Variants in PSAP observed in about 807,000 individuals in gnomAD.
PSAP encodes precursor of saposins.
Under a neutral mutation model 66.0 loss-of-function variants are expected in PSAP, and 25 were observed. That is an observed-to-expected ratio of 0.38 (90% CI 0.28 to 0.53). The LOEUF is 0.53. PSAP is among the 20% of genes least tolerant of loss of function. The pLI is 0.83. For missense variants in PSAP, 649 were observed against 668.8 expected (o/e 0.97, Z 0.33); for synonymous variants, 273 against 258.9 (o/e 1.05, Z -0.52).
chr10:71,845,773 A>G (rs1842811142), intron 1 of PSAP, among the ~76,000 whole-genome samples: 1 of 152,186 alleles, frequency 6.6e-6, no homozygotes, highest in African/African-American at 2.4e-5. Flanking sequence ...TCGGGTTACC[A>G]GGAACCAGCT....
At chr10:71,828,736 A>T in intron 5 of PSAP, 141 bp downstream of exon 5, 1 of 825,700 alleles carries the variant, frequency 1.2e-6, no homozygotes, top group Non-Finnish European at 1.9e-6. Flanking sequence ...ACAACCATTT[A>T]AAGGCTGGCT....
chr10:71,851,194 G>C lies in PSAP; in HGVS notation c.28C>G (p.Leu10Val), dbSNP rs779742363. The change falls in exon 1 of 14, where the codon CTC becomes GTC. Residue 10 changes from leucine (L) to valine (V), a missense_variant. By Grantham distance (32) the Leu-to-Val change is conservative. Transcript: ENST00000394936. MYALFLLASLLGAALAGPVL... is the reference protein window; with the variant it reads MYALFLLASVLGAALAGPVL... ...TCCCAGGGCTTACCCGCGCCCAGGA[G>C]GCTGGCCAGGAGGAAGAGGGCGTAC... 4 of 1,551,138 alleles carry C rather than the reference G, an allele frequency of 2.6e-6. No individual in the cohort carries two copies. Among genetic ancestry groups the C allele is most frequent in the Non-Finnish European group, 3.5e-6 (4 of 1,146,842 alleles).
chr10:71,825,823 T>G lies in PSAP; in HGVS notation c.777+14A>C. On this transcript the variant is annotated intron_variant, in intron 7 of 13. Coordinates refer to ENST00000394936, the MANE Select transcript of PSAP (RefSeq NM_002778.4). ...CAAAGAAAAATGCTAACAAGGGGCC[T>G]CCGTGCCACCTACCATGTGCATCAT... 1 of 1,609,230 alleles carries G rather than the reference T, an allele frequency of 6.2e-7. No individual in the cohort carries two copies. The highest frequency in any genetic ancestry group is 8.5e-7 in the Non-Finnish European group (1 of 1,175,532).
chr10:71,830,684 G>C (rs1238334285), intron 4 of PSAP, among the ~76,000 whole-genome samples: 1 of 152,186 alleles, frequency 6.6e-6, no homozygotes, highest in African/African-American at 2.4e-5. Flanking sequence ...TAAAAACCCA[G>C]TCTGTGACAC....
At position 71,833,031 on chromosome 10, in the gene PSAP, ACAAAAAAC is replaced by A. The variant is rs1194720813; in HGVS notation, c.175-1119_175-1112del. 2.5e-4 allele frequency among the ~76,000 whole-genome samples: 34 copies of A among 135,222 alleles called. 3 individuals carry two copies. The highest frequency in any genetic ancestry group is 2.3e-3 in the South Asian group (10 of 4,404). The allele number at this position is 135,222 out of a possible 152,430, so 88.7% of individuals were successfully genotyped here. ...GAGTCCATCTCAAAAAAAAAAAAAAACAAAAAACAAAAACAGAAGGCCGGGCCATGACA... is the reference window on the plus strand; with the variant it reads ...GAGTCCATCTCAAAAAAAAAAAAAAAAAAAACAGAAGGCCGGGCCATGACA... On this transcript the variant is annotated intron_variant, in intron 2 of 13. Transcript: ENST00000394936.
chr10:71,834,562 T>A (rs1450718104), intron 1 of PSAP, 57 bp from the exon 2 acceptor site: 1 of 1,597,908 alleles, frequency 6.3e-7, no homozygotes, highest in African/African-American at 1.3e-5. Context: ...CAGGTCGACC[T>A]GACTTATTTC....
intron 4 of PSAP, among the ~76,000 whole-genome samples, chr10:71,829,541 A>G (rs117051291): frequency 0.025 from 3,749 of 151,988 alleles, 62 homozygotes; most frequent in South Asian, 0.062. Flanking sequence ...TTCACCTTCC[A>G]CCATGATTTT....
chr10:71,848,482 T>C (rs571112043), intron 1 of PSAP, among the ~76,000 whole-genome samples: 1 of 152,276 alleles, frequency 6.6e-6, no homozygotes, highest in African/African-American at 2.4e-5. Flanking sequence ...GGGGTCAGAT[T>C]ACATGCTCTC....
intron 13 of PSAP, among the ~76,000 whole-genome samples, chr10:71,818,343 G>C (rs1180364177): frequency 2.4e-4 from 37 of 152,044 alleles, no homozygotes; most frequent in Admixed American, 2.4e-3. Flanking sequence ...ACTGTCACAA[G>C]GGAAATGAAG....
intron 11 of PSAP, 26 bp downstream of exon 11, chr10:71,819,439 C>G: frequency 1.2e-6 from 2 of 1,613,494 alleles, no homozygotes; most frequent in South Asian, 2.2e-5. Context: ...CCATGCTGGC[C>G]TACCGCAGCC....
chr10:71,824,790 C>T (rs968232254), intron 7 of PSAP, among the ~76,000 whole-genome samples: 3 of 152,238 alleles, frequency 2.0e-5, no homozygotes, highest in African/African-American at 7.2e-5. Context: ...CACATTTCTA[C>T]ACAGTATAAC....
chr10:71,833,483 A>G (rs553441754), intron 2 of PSAP, among the ~76,000 whole-genome samples: 1 of 152,352 alleles, frequency 6.6e-6, no homozygotes, highest in African/African-American at 2.4e-5. Context: ...GTATGGCCAC[A>G]GAAGGCAGTT....
intron 1 of PSAP, among the ~76,000 whole-genome samples, chr10:71,848,845 G>A (rs1214521217): frequency 6.6e-6 from 1 of 152,204 alleles, no homozygotes; most frequent in Non-Finnish European, 1.5e-5. Flanking sequence ...TATCAGCACT[G>A]ACTTTGGCCT....
intron 6 of PSAP, among the ~76,000 whole-genome samples, chr10:71,826,559 A>C (rs1325082231): frequency 1.3e-5 from 2 of 152,160 alleles, no homozygotes; most frequent in African/African-American, 4.8e-5. Flanking sequence ...TGTTCACCTG[A>C]TTAACATTCC....
rs529903938 is a variant in PSAP, at chr10:71,842,000, C to T, written c.41-7495G>A. On this transcript the variant is annotated intron_variant, in intron 1 of 13. Transcript: ENST00000394936. ...CAACCTGGGTGACAGAGTGAGACTC[C>T]GTCTTAAAAAAAAAAAAAAAGCAGA... 3.5e-5 allele frequency among the ~76,000 whole-genome samples: 5 copies of T among 143,950 alleles called. No homozygotes were observed. The East Asian group carries it at 7.0e-4, about 20-fold the overall frequency. 94.4% of individuals were successfully genotyped at this position (143,950 alleles called of 152,430 possible). A position where few individuals can be genotyped will look rare whatever the true frequency, so the allele number is the denominator to read the frequency against.
At chr10:71,842,171 A>C (rs1056574370) in intron 1 of PSAP, among the ~76,000 whole-genome samples, 2 of 152,164 alleles carry the variant, frequency 1.3e-5, no homozygotes, top group African/African-American at 4.8e-5. Flanking sequence ...TAAAACCAAG[A>C]CATCAGTTGC....
At chr10:71,828,681 A>G (rs773752240) in intron 5 of PSAP, among the ~76,000 whole-genome samples, 196 bp downstream of exon 5, 1 of 152,164 alleles carries the variant, frequency 6.6e-6, no homozygotes, top group Non-Finnish European at 1.5e-5. Flanking sequence ...AAGGGGATTA[A>G]TCTTTGCATA....
intron 1 of PSAP, among the ~76,000 whole-genome samples, chr10:71,843,672 TAA>T (rs999732494): frequency 3.9e-5 from 6 of 152,156 alleles, no homozygotes; most frequent in African/African-American, 1.4e-4. Context: ...CAATAGGGAT[TAA>T]AAAGACACAT....
intron 4 of PSAP, 124 bp from the exon 5 acceptor site, chr10:71,829,201 C>T: frequency 1.0e-6 from 1 of 974,416 alleles, no homozygotes; most frequent in Non-Finnish European, 1.6e-6. Context: ...AACCTGTTGT[C>T]TAAATTCAAA....
Sources: gnomAD v4.1 joint callset for allele counts (sites outside exome capture counted in the v4.1 genomes callset) on GRCh38, gnomAD v4.1.1 for gene constraint, MANE v1.5 for transcripts, NCBI Gene and HGNC (gene_info 2026-07-23, HGNC 2026-07-21) for gene names.